STAG2: variants seen among roughly 807,000 people sequenced by gnomAD.
STAG2 encodes the protein cohesin subunit SA-2.
In STAG2, 14 loss-of-function variants were observed where a neutral mutation model predicts 108.1. That is an observed-to-expected ratio of 0.13 (90% CI 0.09 to 0.20). The LOEUF (loss-of-function observed/expected upper bound fraction) is 0.20, where lower values mean the gene tolerates loss of function less well. Among genes scored for constraint, STAG2 ranks in the 10% least tolerant of loss-of-function variants. STAG2 has a pLI of 1.00. For missense variants in STAG2, 440 were observed against 940.9 expected, an observed-to-expected ratio of 0.47 and a Z score of 6.96; for synonymous variants, 307 against 302.7, an observed-to-expected ratio of 1.01 and a Z score of -0.15.
Position 124,092,250 on chromosome X carries a change from A to G in STAG2, c.3578+1286A>G, listed in dbSNP as rs149686168. 2.6e-3 allele frequency among the ~76,000 whole-genome samples: 288 copies of G among 111,768 alleles called. 1 individual carries two copies. The highest frequency in any genetic ancestry group is 8.6e-3 in the African/African-American group (266 of 30,784). ...GTCTTAACCTCTAGAGACACAAGGT[A>G]TACTCTATTACACGTATAGATTCTG... On this transcript the variant is annotated intron_variant, in intron 32 of 34. Coordinates refer to ENST00000371145, the MANE Select transcript of STAG2 (RefSeq NM_001042750.2).
intron 13 of STAG2, among the ~76,000 whole-genome samples, chrX:124,052,271 C>T (rs1324536880): frequency 8.9e-6 from 1 of 111,916 alleles, no homozygotes; most frequent in African/African-American, 3.2e-5. Context: ...CACCACTATC[C>T]ATTGTCAGAA....
chrX:123,992,728 C>T (rs1297561546), intron 1 of STAG2, among the ~76,000 whole-genome samples: 3 of 110,878 alleles, frequency 2.7e-5, no homozygotes, highest in Non-Finnish European at 5.7e-5. Context: ...TTTGTAGAGA[C>T]GGGGTCTCAC....
intron 6 of STAG2, 57 bp from the exon 7 acceptor site, chrX:124,042,512 G>C: frequency 1.1e-6 from 1 of 892,365 alleles, no homozygotes; most frequent in Non-Finnish European, 1.6e-6. Context: ...TTACTTGGAA[G>C]TTTTCTTTAT....
In STAG2 at chrX:124,100,582, A is replaced by G; in HGVS notation, c.3792A>G (p.Gly1264=). ...TCTCTCTCTCTCATTAGGTTCTTGG[A>G]GTGTCAATGTTTTAATACCAGTACA... ...PASIMDESVL[G]VSMF is the part of the protein sequence containing the mutation. Residue 1264 remains glycine, a synonymous_variant, in exon 35 of 35, where the codon GGA becomes GGG. Coordinates refer to ENST00000371145, the MANE Select transcript of STAG2 (RefSeq NM_001042750.2). 1.7e-6 allele frequency: 2 copies of G among 1,199,421 alleles called. No homozygotes were observed. Among genetic ancestry groups the G allele is most frequent in the East Asian group, 5.9e-5 (2 of 33,648 alleles).
chrX:123,992,612 C>T (rs2055536677), intron 1 of STAG2, among the ~76,000 whole-genome samples: 3 of 110,120 alleles, frequency 2.7e-5, no homozygotes, highest in Admixed American at 2.0e-4. Context: ...AATCTCGGCT[C>T]ACTGAAACGT....
chrX:123,998,199 C>T (rs2055840679), intron 1 of STAG2, among the ~76,000 whole-genome samples: 1 of 97,566 alleles, frequency 1.0e-5, no homozygotes, highest in African/African-American at 3.9e-5. Flanking sequence ...GATGGAGTCT[C>T]ACTCTGTCAC....
At chrX:124,099,548 G>A (rs1011566102) in intron 34 of STAG2, among the ~76,000 whole-genome samples, 1 of 111,027 alleles carries the variant, frequency 9.0e-6, no homozygotes, top group African/African-American at 3.3e-5. Flanking sequence ...CATTACTTGG[G>A]ATTCCAAACA....
chrX:124,072,366 G>A (rs2058684088), intron 25 of STAG2, among the ~76,000 whole-genome samples: 1 of 111,897 alleles, frequency 8.9e-6, no homozygotes, highest in Non-Finnish European at 1.9e-5. Flanking sequence ...ATGTAATTCT[G>A]TATATGGCAT....
At chrX:124,047,027 G>C (rs73212929) in intron 8 of STAG2, among the ~76,000 whole-genome samples, 17,548 of 110,576 alleles carry the variant, frequency 0.16, 1,158 homozygotes, top group South Asian at 0.36. Flanking sequence ...TTTAAGGATA[G>C]ACTGGAGTCA....
intron 25 of STAG2, among the ~76,000 whole-genome samples, 159 bp from the exon 26 acceptor site, chrX:124,076,173 T>G (rs2058797310): frequency 1.8e-5 from 2 of 112,188 alleles, no homozygotes; most frequent in South Asian, 7.4e-4. Context: ...TCACAAAAAT[T>G]TAGTCTATTG....
rs2056922273 is a variant in STAG2 at position 124,021,411 on chromosome X, TAAG to T, written c.-115_-113del. ...TTCACTTGGGAATAAAAGAAAAACA[TAAG>T]AAAATTATAAGAGAAAGGTACACAT... On this transcript the variant is annotated 5_prime_UTR_variant, in exon 2 of 35. Transcript: ENST00000371145. 8.9e-6 allele frequency: 1 copy of T among 111,944 alleles called. No individual in the cohort carries two copies. The highest frequency in any genetic ancestry group is 3.2e-5 in the African/African-American group (1 of 30,845). The allele number at this position is 111,944 out of a possible 1,213,427, so 9.2% of individuals were successfully genotyped here.
chrX:123,990,177 T>A (rs893842333), intron 1 of STAG2, among the ~76,000 whole-genome samples: 11 of 111,897 alleles, frequency 9.8e-5, no homozygotes, highest in Non-Finnish European at 1.7e-4. Context: ...CAGGATCTTC[T>A]GGGGTCCAAA....
chrX:123,990,737 C>T (rs989862960), intron 1 of STAG2, among the ~76,000 whole-genome samples: 6 of 111,757 alleles, frequency 5.4e-5, no homozygotes, highest in African/African-American at 2.0e-4. Flanking sequence ...GTGTGTCTTA[C>T]AGAGGAGGCG....
At chrX:124,006,403 T>G (rs951947095) in intron 1 of STAG2, among the ~76,000 whole-genome samples, 1 of 108,929 alleles carries the variant, frequency 9.2e-6, no homozygotes, top group Non-Finnish European at 1.9e-5. Context: ...AATCAGTTTC[T>G]CTGCATCTTT....
Position 124,022,678 on chromosome X carries a change from A to G in STAG2, c.44+7A>G, listed in dbSNP as rs374792657. On this transcript the variant is annotated splice_region_variant and intron_variant, in intron 3 of 34. Coordinates refer to ENST00000371145, the MANE Select transcript of STAG2 (RefSeq NM_001042750.2). The stretch of plus-strand genomic sequence containing the variant: ...CTGATTTTAATCTACTACAGTAAGT[A>G]AATTATATTCTGATAATTTTTAAAT... 14 of 1,108,067 alleles carry G rather than the reference A, an allele frequency of 1.3e-5. No individual in the cohort carries two copies. In the African/African-American group the frequency reaches 1.8e-4, roughly 15 times the overall value. 91.3% of individuals were successfully genotyped at this position (1,108,067 alleles called of 1,213,427 possible).
intron 8 of STAG2, 133 bp downstream of exon 8, chrX:124,045,501 C>T (rs2057845026): frequency 1.9e-6 from 1 of 537,505 alleles, no homozygotes; most frequent in East Asian, 3.6e-5. Flanking sequence ...GGACACTCCC[C>T]CATCCCTCCT....
intron 1 of STAG2, among the ~76,000 whole-genome samples, chrX:124,013,100 G>T (rs1011717012): frequency 1.6e-4 from 18 of 111,304 alleles, no homozygotes; most frequent in Admixed American, 3.9e-4. Flanking sequence ...CTTATATCAT[G>T]CTGTATACCA....
At chrX:124,004,506 T>C (rs967797860) in intron 1 of STAG2, among the ~76,000 whole-genome samples, 4 of 112,128 alleles carry the variant, frequency 3.6e-5, no homozygotes, top group African/African-American at 3.2e-5. Flanking sequence ...TCTAGGTTCA[T>C]CCATGTTGTA....
At chrX:124,072,892 CTTTCTTTCTTTCTT>C (rs1228859578) in intron 25 of STAG2, among the ~76,000 whole-genome samples, 2 of 89,315 alleles carry the variant, frequency 2.2e-5, no homozygotes, top group Non-Finnish European at 4.4e-5. Context: ...TTCTTTCTTT[CTTTCTTTCTTTCTT>C]TTTTTTTTTT....
Sources: allele counts gnomAD v4.1 joint callset (sites outside exome capture counted in the v4.1 genomes callset), GRCh38; gene constraint gnomAD v4.1.1; transcripts MANE v1.5; gene names NCBI Gene and HGNC (gene_info 2026-07-23, HGNC 2026-07-21).